Variants in NAALADL2 observed in about 807,000 individuals in gnomAD.
NAALADL2 encodes N-acetylated alpha-linked acidic dipeptidase like 2.
A neutral mutation model predicts 87.2 loss-of-function variants in NAALADL2; 76 were observed. The ratio of observed to expected loss-of-function variants is 0.87; its 90% CI spans 0.72 to 1.05. NAALADL2 has a LOEUF of 1.05. Among genes scored for constraint, NAALADL2 ranks in the 50% least tolerant of loss-of-function variants. The pLI, the probability that NAALADL2 is intolerant of heterozygous loss-of-function variation, is 0.00. For missense variants in NAALADL2, 1,089 were observed against 945.8 expected (o/e 1.15, Z -1.99); for synonymous variants, 354 against 331.0 (o/e 1.07, Z -0.75).
At chr3:175,449,484 C>G (rs141946178) in intron 6 of NAALADL2, among the ~76,000 whole-genome samples, 3,914 of 150,824 alleles carry the variant, frequency 0.026, 72 homozygotes, top group East Asian at 0.084. Flanking sequence ...CAAGCTCCGC[C>G]TCCCGGGTTC....
intron 3 of NAALADL2, among the ~76,000 whole-genome samples, chr3:174,804,549 T>G (rs1010687616): frequency 6.6e-6 from 1 of 152,154 alleles, no homozygotes. Context: ...TGTGCCAGTT[T>G]TCAAAGGGAA....
At chr3:174,974,694 T>C (rs1445973447) in intron 1 of NAALADL2, among the ~76,000 whole-genome samples, 1 of 152,144 alleles carries the variant, frequency 6.6e-6, no homozygotes, top group Non-Finnish European at 1.5e-5. Context: ...GCTGATATAA[T>C]CAGGAGATAT....
chr3:174,931,758 C>T (rs1185388971), intron 1 of NAALADL2, among the ~76,000 whole-genome samples: 3 of 152,028 alleles, frequency 2.0e-5, no homozygotes, highest in Non-Finnish European at 1.5e-5. Flanking sequence ...ATTAAAAGAT[C>T]GTTGCAAGCA....
intron 9 of NAALADL2, among the ~76,000 whole-genome samples, chr3:175,479,445 A>G (rs556881676): frequency 1.3e-5 from 2 of 151,914 alleles, no homozygotes; most frequent in Admixed American, 6.6e-5. Context: ...AACTTGTTTT[A>G]CTCTGGAACA....
At chr3:174,502,296 T>C (rs1352981166) in intron 1 of NAALADL2, among the ~76,000 whole-genome samples, 1 of 152,232 alleles carries the variant, frequency 6.6e-6, no homozygotes, top group African/African-American at 2.4e-5. Context: ...TAAATGAATT[T>C]TTTTGTTGTT....
intron 3 of NAALADL2, among the ~76,000 whole-genome samples, chr3:175,239,647 G>C (rs1304124313): frequency 6.6e-6 from 1 of 152,120 alleles, no homozygotes; most frequent in African/African-American, 2.4e-5. Flanking sequence ...GTTTTATGGA[G>C]AAACTTATTT....
chr3:175,465,136 C>CA (rs1723781152), intron 7 of NAALADL2, among the ~76,000 whole-genome samples: 2 of 151,828 alleles, frequency 1.3e-5, no homozygotes, highest in South Asian at 4.2e-4. Context: ...CCTGTAGTCC[C>CA]AGCTACTGGG....
chr3:175,777,960 A>T lies in NAALADL2; in HGVS notation c.2189+22542A>T, dbSNP rs577662723. Among the ~76,000 whole-genome samples the T allele has an allele frequency of 2.6e-5, 4 of 152,338 alleles. No individual in the cohort carries two copies. The East Asian group carries it at 7.7e-4, about 29-fold the overall frequency. ...AACTTCAAGACACATTTTCTCTAAT[A>T]GTTAAAATACGTTTAGCATAATGTT... On this transcript the variant is annotated intron_variant, in intron 13 of 13. Coordinates refer to ENST00000454872, the MANE Select transcript of NAALADL2 (RefSeq NM_207015.3).
At chr3:175,068,818 A>C (rs1251588652) in intron 1 of NAALADL2, among the ~76,000 whole-genome samples, 3 of 152,130 alleles carry the variant, frequency 2.0e-5, no homozygotes. Flanking sequence ...CAATCAGAAT[A>C]CCTTTGAAAA....
chr3:175,602,430 T>C (rs1343689458), intron 10 of NAALADL2, among the ~76,000 whole-genome samples: 1 of 150,298 alleles, frequency 6.7e-6, no homozygotes, highest in African/African-American at 2.4e-5. Context: ...AAACATAATA[T>C]GTTATGTATT....
intron 11 of NAALADL2, among the ~76,000 whole-genome samples, chr3:175,652,541 C>G (rs1374883333): frequency 2.1e-5 from 3 of 144,220 alleles, no homozygotes; most frequent in African/African-American, 5.2e-5. Flanking sequence ...TGCAGTGGTG[C>G]CATCTCGGCT....
chr3:174,566,931 C>A, intron 2 of NAALADL2, among the ~76,000 whole-genome samples: 1 of 151,038 alleles, frequency 6.6e-6, no homozygotes, highest in African/African-American at 2.4e-5. Flanking sequence ...ATTTTTTTTC[C>A]AACTTTAAAT....
At chr3:175,010,280 A>G (rs79908392) in intron 1 of NAALADL2, among the ~76,000 whole-genome samples, 3,902 of 152,250 alleles carry the variant, frequency 0.026, 141 homozygotes, top group East Asian at 0.18. Context: ...ATATGGCCTA[A>G]AAGTATTTAG....
At chr3:174,871,745 AAC>A (rs1466269291) in intron 1 of NAALADL2, among the ~76,000 whole-genome samples, 1 of 152,112 alleles carries the variant, frequency 6.6e-6, no homozygotes, top group Non-Finnish European at 1.5e-5. Context: ...CTAAAAATAC[AAC>A]AGTTAGCTGG....
chr3:175,729,807 G>GTT lies in NAALADL2; in HGVS notation c.1897-7491_1897-7490dup, dbSNP rs5854655. Among the ~76,000 whole-genome samples, 643 of 144,558 alleles carry GTT rather than the reference G, an allele frequency of 4.4e-3. 3 individuals carry two copies. The highest frequency in any genetic ancestry group is 0.022 in the South Asian group (102 of 4,560). The allele number at this position is 144,558 out of a possible 152,430, so 94.8% of individuals were successfully genotyped here. On this transcript the variant is annotated intron_variant, in intron 11 of 13. Coordinates refer to ENST00000454872, the MANE Select transcript of NAALADL2 (RefSeq NM_207015.3). ...TTTCACATGCCACAGTGACATCCCA[G>GTT]TTTTTTTTTCCCATGGTAACATGTA...
At chr3:174,844,914 C>T (rs1379631593) in intron 3 of NAALADL2, among the ~76,000 whole-genome samples, 1 of 135,138 alleles carries the variant, frequency 7.4e-6, no homozygotes, top group Non-Finnish European at 1.5e-5. Context: ...GGTATGAAGC[C>T]TCCCTTAGGC....
intron 2 of NAALADL2, among the ~76,000 whole-genome samples, chr3:174,724,832 C>T (rs1317498909): frequency 6.6e-6 from 1 of 152,126 alleles, no homozygotes; most frequent in Non-Finnish European, 1.5e-5. Flanking sequence ...AGAGTGTATA[C>T]TATAAATGGA....
intron 1 of NAALADL2, among the ~76,000 whole-genome samples, chr3:174,549,671 T>C (rs1048277871): frequency 6.6e-6 from 1 of 152,166 alleles, no homozygotes; most frequent in African/African-American, 2.4e-5. Flanking sequence ...ATGTTACTTT[T>C]TGTGAAGTAA....
At chr3:174,556,340 A>C (rs1435471576) in intron 2 of NAALADL2, among the ~76,000 whole-genome samples, 1 of 152,146 alleles carries the variant, frequency 6.6e-6, no homozygotes, top group Non-Finnish European at 1.5e-5. Context: ...GAATTTTTAC[A>C]CATCTTTAGC....
Sources: allele counts gnomAD v4.1 joint callset (sites outside exome capture counted in the v4.1 genomes callset), GRCh38; gene constraint gnomAD v4.1.1; transcripts MANE v1.5; gene names NCBI Gene and HGNC (gene_info 2026-07-23, HGNC 2026-07-21).